The following HCN4 variants were observed in gnomAD, a reference collection of about 807,000 sequenced individuals.
The protein encoded by HCN4 is potassium/sodium hyperpolarization-activated cyclic nucleotide-gated channel 4.
HCN4 carries 29 observed loss-of-function variants against 76.9 expected under a neutral mutation model. The observed-to-expected ratio is 0.38, with a 90% CI of 0.28 to 0.51. HCN4 has a LOEUF of 0.51. Ranked by LOEUF, HCN4 falls within the 20% of genes least tolerant of loss-of-function variation. The pLI is 0.90. For synonymous variants in HCN4, 772 were observed against 762.5 expected, an observed-to-expected ratio of 1.01 and a Z score of -0.21; for missense variants, 1,416 against 1,715.2, an observed-to-expected ratio of 0.83 and a Z score of 3.08.
At chr15:73,353,525 C>T (rs965120777) in intron 1 of HCN4, among the ~76,000 whole-genome samples, 5 of 152,184 alleles carry the variant, frequency 3.3e-5, no homozygotes, top group South Asian at 2.1e-4. Flanking sequence ...ACACGTGACA[C>T]GCATGAGGAT....
At position 73,328,189 on chromosome 15, in the gene HCN4, G is replaced by C. The variant is rs928838053; in HGVS notation, c.1590+1384C>G. ...GTGAGGGGCTGGCCAGGTCACAGACGGCTTCTCTAAGTGGTGAGGCTGGAC... is the reference window on the plus strand; with the variant it reads ...GTGAGGGGCTGGCCAGGTCACAGACCGCTTCTCTAAGTGGTGAGGCTGGAC... On this transcript the variant is annotated intron_variant, in intron 4 of 7. Transcript: ENST00000261917. The surrounding 1 kb of genome is among the most constrained non-coding windows in gnomAD (Gnocchi z 4.0). 1.3e-5 allele frequency among the ~76,000 whole-genome samples: 2 copies of C among 152,058 alleles called. No individual in the cohort carries two copies. Among genetic ancestry groups the C allele is most frequent in the African/African-American group, 2.4e-5 (1 of 41,406 alleles).
intron 1 of HCN4, among the ~76,000 whole-genome samples, chr15:73,363,333 G>T (rs2043114684): frequency 6.6e-6 from 1 of 152,206 alleles, no homozygotes; most frequent in South Asian, 2.1e-4. Flanking sequence ...AAATAGAAAA[G>T]AAACCAGTCC....
At chr15:73,355,883 G>A (rs1157994301) in intron 1 of HCN4, among the ~76,000 whole-genome samples, 1 of 152,102 alleles carries the variant, frequency 6.6e-6, no homozygotes, top group African/African-American at 2.4e-5. Context: ...TTCACCCAGT[G>A]GACAAGACCA....
At chr15:73,356,369 CTTTTCTTTTTT>C (rs989282956) in intron 1 of HCN4, among the ~76,000 whole-genome samples, 1 of 138,428 alleles carries the variant, frequency 7.2e-6, no homozygotes, top group African/African-American at 2.7e-5. Flanking sequence ...TCTTTCTTTT[CTTTTCTTTTTT>C]TTTTTTTTTT....
At chr15:73,364,284 C>T (rs1324396647) in intron 1 of HCN4, among the ~76,000 whole-genome samples, 1 of 152,136 alleles carries the variant, frequency 6.6e-6, no homozygotes, top group Non-Finnish European at 1.5e-5. Context: ...ACCCACACAG[C>T]CCCCAGACAC....
At chr15:73,349,800 G>A (rs1036678601) in intron 1 of HCN4, among the ~76,000 whole-genome samples, 1 of 152,062 alleles carries the variant, frequency 6.6e-6, no homozygotes, top group Admixed American at 6.6e-5. Context: ...AGATCTTTTG[G>A]GTATCCTTGT....
intron 1 of HCN4, among the ~76,000 whole-genome samples, chr15:73,358,608 C>T (rs534024120): frequency 5.3e-5 from 8 of 152,180 alleles, no homozygotes; most frequent in Non-Finnish European, 8.8e-5. Flanking sequence ...ACACACCACA[C>T]GTACTCAGAT....
At chr15:73,332,418 G>A in intron 2 of HCN4, 126 bp from the exon 3 acceptor site, 1 of 936,710 alleles carries the variant, frequency 1.1e-6, no homozygotes. Context: ...CGCCCACTCA[G>A]TGCAAATCCA....
intron 1 of HCN4, among the ~76,000 whole-genome samples, chr15:73,348,856 C>A (rs908401563): frequency 6.6e-6 from 1 of 152,214 alleles, no homozygotes; most frequent in African/African-American, 2.4e-5. Flanking sequence ...CAGCACCAGA[C>A]CTGCATTCTT....
At position 73,368,165 on chromosome 15, in the gene HCN4, C is replaced by G. The variant is rs886039001; in HGVS notation, c.106G>C (p.Gly36Arg). Residue 36 changes from glycine to arginine, a missense_variant, in exon 1 of 8, where the codon GGG becomes CGG. Around this residue, in one of 6 missense-constraint regions of HCN4, gnomAD observed 355 missense variants for 347.8 expected, o/e 1.02. Coordinates refer to ENST00000261917, the MANE Select transcript of HCN4 (RefSeq NM_005477.3). The surrounding 1 kb of genome is among the most constrained non-coding windows in gnomAD (Gnocchi z 6.9). ...CTGGGGTCTTGGCGGCCCCCGGCCC[C>G]CTCCTCCTCGGCGTCCTCTTCCTCG... ...MDEEEDAEEE[G>R]AGGRQDPSRR... 1.3e-6 allele frequency: 2 copies of G among 1,529,408 alleles called. No homozygotes were observed. Among genetic ancestry groups the G allele is most frequent in the Non-Finnish European group, 1.8e-6 (2 of 1,139,610 alleles). 94.7% of individuals were successfully genotyped at this position (1,529,408 alleles called of 1,614,324 possible).
rs1343242026 is a variant in HCN4 at position 73,321,920 on chromosome 15, A to G, written c.*561T>C. The G allele has an allele frequency of 5.9e-6, 1 of 168,090 alleles. No individual in the cohort carries two copies. The highest frequency in any genetic ancestry group is 1.7e-4 in the East Asian group (1 of 6,044). 10.4% of individuals were successfully genotyped at this position (168,090 alleles called of 1,614,324 possible). A position where few individuals can be genotyped will look rare whatever the true frequency, so the allele number is the denominator to read the frequency against. Reference sequence around the variant, plus strand: ...ATAGCTATACATATACACATCTTACATACATATACATATACATATTCATAT... The same window carrying G: ...ATAGCTATACATATACACATCTTACGTACATATACATATACATATTCATAT... On this transcript the variant is annotated 3_prime_UTR_variant, in exon 8 of 8. Transcript: ENST00000261917.
chr15:73,326,773 A>T lies in HCN4; in HGVS notation c.1591-1329T>A, dbSNP rs981173490. ...CATTTTCTTTTCTTTTTTTCTTTTTATTTATTTATTTATTTATTTATTTTT... is the reference window on the plus strand; with the variant it reads ...CATTTTCTTTTCTTTTTTTCTTTTTTTTTATTTATTTATTTATTTATTTTT... On this transcript the variant is annotated intron_variant, in intron 4 of 7. Coordinates refer to ENST00000261917, the MANE Select transcript of HCN4 (RefSeq NM_005477.3). 2.7e-5 allele frequency among the ~76,000 whole-genome samples: 4 copies of T among 149,620 alleles called. No homozygotes were observed. The South Asian group carries it at 6.3e-4, about 24-fold the overall frequency.
At position 73,324,238 on chromosome 15, in the gene HCN4, G is replaced by T; in HGVS notation, c.1994C>A (p.Thr665Asn). 1 of 1,613,950 alleles carries T rather than the reference G, an allele frequency of 6.2e-7. No individual in the cohort carries two copies. The highest frequency in any genetic ancestry group is 8.5e-7 in the Non-Finnish European group (1 of 1,179,910). ...GSYFGEICLL[T>N]RGRRTASVRA... ...CACGCTGGCTGTGCGCCGGCCCCGGGTCAGCAGGCAGATCTCTGCCAGAGC... is the reference window on the plus strand; with the variant it reads ...CACGCTGGCTGTGCGCCGGCCCCGGTTCAGCAGGCAGATCTCTGCCAGAGC... The change falls in exon 7 of 8, where the codon ACC (threonine) becomes AAC (asparagine). Residue 665 changes from threonine to asparagine, a missense_variant. Physicochemically the swap from Thr to Asn is moderately conservative, Grantham distance 65. Coordinates refer to ENST00000261917, the MANE Select transcript of HCN4 (RefSeq NM_005477.3).
chr15:73,335,004 C>T (rs1397388401), intron 2 of HCN4, among the ~76,000 whole-genome samples: 1 of 152,030 alleles, frequency 6.6e-6, no homozygotes, highest in Non-Finnish European at 1.5e-5. Context: ...GAGACGATCT[C>T]TTTGTCCTGT....
At chr15:73,329,484 G>A in intron 4 of HCN4, 89 bp downstream of exon 4, 2 of 1,212,556 alleles carry the variant, frequency 1.6e-6, no homozygotes, top group Non-Finnish European at 2.4e-6. Context: ...TGGGAGCAGG[G>A]GGCGGTTCCT....
chr15:73,349,838 A>G (rs1368962483), intron 1 of HCN4, among the ~76,000 whole-genome samples: 1 of 152,148 alleles, frequency 6.6e-6, no homozygotes, highest in African/African-American at 2.4e-5. Flanking sequence ...TCCAGCACCC[A>G]TCTGCCATCC....
At chr15:73,364,052 G>A (rs557193736) in intron 1 of HCN4, among the ~76,000 whole-genome samples, 1 of 152,216 alleles carries the variant, frequency 6.6e-6, no homozygotes, top group South Asian at 2.1e-4. Context: ...AGATTTTGGA[G>A]CCCAGCTCTT....
chr15:73,325,547 G>C lies in HCN4; in HGVS notation c.1591-103C>G. 2 of 1,198,848 alleles carry C rather than the reference G, an allele frequency of 1.7e-6. No homozygotes were observed. The highest frequency in any genetic ancestry group is 4.7e-5 in the East Asian group (2 of 42,748). The allele number at this position is 1,198,848 out of a possible 1,614,324, so 74.3% of individuals were successfully genotyped here. A position where few individuals can be genotyped will look rare whatever the true frequency, so the allele number is the denominator to read the frequency against. On this transcript the variant is annotated intron_variant, in intron 4 of 7. Coordinates refer to ENST00000261917, the MANE Select transcript of HCN4 (RefSeq NM_005477.3). The surrounding 1 kb of genome is among the most constrained non-coding windows in gnomAD (Gnocchi z 7.4). ...CCACATCCGGGCACCCACCCCGGGG[G>C]ATTTCCTGGCTAAACTTGGTTCCTT...
At chr15:73,329,825 G>A (rs1315452637) in intron 3 of HCN4, 34 bp from the exon 4 acceptor site, 4 of 1,559,460 alleles carry the variant, frequency 2.6e-6, no homozygotes, top group Admixed American at 3.3e-5. Flanking sequence ...GACAGTGGAT[G>A]AGAGGGAAGG....
Sources: allele counts gnomAD v4.1 joint callset (sites outside exome capture counted in the v4.1 genomes callset), GRCh38; gene constraint gnomAD v4.1.1; regional missense constraint gnomAD v4.1.1; non-coding constraint Gnocchi (gnomAD v3.1); transcripts MANE v1.5; gene names NCBI Gene and HGNC (gene_info 2026-07-23, HGNC 2026-07-21).